FAM117B: variants seen among roughly 807,000 people sequenced by gnomAD.
The protein encoded by FAM117B is family with sequence similarity 117 member B.
A neutral mutation model predicts 52.8 loss-of-function variants in FAM117B; 22 were observed. That is an observed-to-expected ratio of 0.42 (90% CI 0.30 to 0.59). The LOEUF is 0.59. FAM117B is among the 20% of genes least tolerant of loss of function. The pLI is 0.22. For synonymous variants in FAM117B, 309 were observed against 324.1 expected (o/e 0.95, Z 0.50); for missense variants, 678 against 802.6 (o/e 0.84, Z 1.88).
At chr2:202,674,348 A>G (rs1225393413) in intron 1 of FAM117B, among the ~76,000 whole-genome samples, 1 of 152,242 alleles carries the variant, frequency 6.6e-6, no homozygotes, top group Non-Finnish European at 1.5e-5. Flanking sequence ...GGCTCCGTAC[A>G]TATATGTTTT....
rs112110886 is a variant in FAM117B, at chr2:202,726,003, T to C, written c.847-247T>C. 5.4e-4 allele frequency among the ~76,000 whole-genome samples: 82 copies of C among 152,310 alleles called. 1 individual carries two copies. Among genetic ancestry groups the C allele is most frequent in the Admixed American group, 1.4e-3 (21 of 15,302 alleles). On this transcript the variant is annotated intron_variant, in intron 3 of 7. Transcript: ENST00000392238. ...GTGAAAACTGTAATGTAATTTATTCTAAGTGCTGAAAACTATTTGTGTAGT... is the reference window on the plus strand; with the variant it reads ...GTGAAAACTGTAATGTAATTTATTCCAAGTGCTGAAAACTATTTGTGTAGT...
chr2:202,713,540 A>AT (rs1003481373), intron 2 of FAM117B, among the ~76,000 whole-genome samples: 15 of 150,928 alleles, frequency 9.9e-5, no homozygotes, highest in African/African-American at 3.4e-4. Flanking sequence ...GATCTCTATT[A>AT]TTTTTTCTGT....
At chr2:202,649,436 A>G (rs1689923025) in intron 1 of FAM117B, among the ~76,000 whole-genome samples, 1 of 152,252 alleles carries the variant, frequency 6.6e-6, no homozygotes, top group Admixed American at 6.5e-5. Context: ...AACCTTACAT[A>G]TAATTCTGTT....
chr2:202,704,255 T>C (rs1690840504), intron 2 of FAM117B, among the ~76,000 whole-genome samples: 1 of 152,220 alleles, frequency 6.6e-6, no homozygotes. Flanking sequence ...CTAGTAAGCA[T>C]TCAATAAATG....
intron 4 of FAM117B, among the ~76,000 whole-genome samples, chr2:202,752,872 A>C (rs1691747261): frequency 6.6e-6 from 1 of 152,206 alleles, no homozygotes; most frequent in Admixed American, 6.5e-5. Flanking sequence ...TTAATTTAAA[A>C]ATCTCTACAT....
chr2:202,688,867 A>G (rs1329012530), intron 1 of FAM117B, among the ~76,000 whole-genome samples: 1 of 152,186 alleles, frequency 6.6e-6, no homozygotes, highest in Non-Finnish European at 1.5e-5. Context: ...CTTTTCACGA[A>G]CAGATCTTAA....
intron 1 of FAM117B, among the ~76,000 whole-genome samples, chr2:202,655,328 A>T (rs1453306580): frequency 6.6e-6 from 1 of 152,106 alleles, no homozygotes; most frequent in South Asian, 2.1e-4. Context: ...AAGGTGCTAT[A>T]AACATTTGTA....
intron 2 of FAM117B, among the ~76,000 whole-genome samples, chr2:202,709,865 A>G: frequency 6.6e-6 from 1 of 152,124 alleles, no homozygotes; most frequent in East Asian, 1.9e-4. Context: ...GAGGATATTC[A>G]GTTTCCCCAG....
rs1430409209 is a variant in FAM117B, at chr2:202,767,885, A to G, written c.*2121A>G. ...ATCCAAAACTAATTTATTTGGAACT[A>G]GTACGTTATGGCTTCTCAGTCATGA... On this transcript the variant is annotated 3_prime_UTR_variant, in exon 8 of 8. Coordinates refer to ENST00000392238, the MANE Select transcript of FAM117B (RefSeq NM_173511.4). The G allele has an allele frequency of 6.6e-6, 1 of 152,228 alleles. No homozygotes were observed. Among genetic ancestry groups the G allele is most frequent in the Non-Finnish European group, 1.5e-5 (1 of 68,028 alleles). The allele number at this position is 152,228 out of a possible 1,614,324, so 9.4% of individuals were successfully genotyped here. A position where few individuals can be genotyped will look rare whatever the true frequency, so the allele number is the denominator to read the frequency against.
chr2:202,659,687 T>A (rs1057444831), intron 1 of FAM117B, among the ~76,000 whole-genome samples: 1 of 141,492 alleles, frequency 7.1e-6, no homozygotes, highest in Non-Finnish European at 1.5e-5. Flanking sequence ...CGATCTTGGC[T>A]CACTGCAACC....
chr2:202,725,253 A>G (rs1691223349), intron 3 of FAM117B: 1 of 299,318 alleles, frequency 3.3e-6, no homozygotes, highest in Non-Finnish European at 6.1e-6. Context: ...CTGTCTATTA[A>G]CATCAGATTT....
At chr2:202,646,917 G>A (rs190499462) in intron 1 of FAM117B, among the ~76,000 whole-genome samples, 64 of 152,022 alleles carry the variant, frequency 4.2e-4, no homozygotes, top group Admixed American at 1.0e-3. Flanking sequence ...GTGATCTAGG[G>A]TATGTACAAG....
intron 1 of FAM117B, among the ~76,000 whole-genome samples, chr2:202,661,673 T>C (rs1480698470): frequency 3.9e-5 from 6 of 152,168 alleles, no homozygotes; most frequent in Non-Finnish European, 8.8e-5. Context: ...CCTAGCTCTT[T>C]AGAAGGCTGA....
chr2:202,664,749 T>G (rs1029606756), intron 1 of FAM117B, among the ~76,000 whole-genome samples: 1 of 152,168 alleles, frequency 6.6e-6, no homozygotes, highest in Non-Finnish European at 1.5e-5. Flanking sequence ...GTGCCTCATT[T>G]GCCTTACCGT....
chr2:202,683,186 G>A lies in FAM117B; in HGVS notation c.602-12695G>A, dbSNP rs1672392523. On this transcript the variant is annotated intron_variant, in intron 1 of 7. Transcript: ENST00000392238. ...CTGCTAAAAACACAAAAATTAGCCGGGCGTGGTGGCATGTGCCTGTAATCC... is the reference window on the plus strand; with the variant it reads ...CTGCTAAAAACACAAAAATTAGCCGAGCGTGGTGGCATGTGCCTGTAATCC... Among the ~76,000 whole-genome samples, 3 of 152,224 alleles carry A rather than the reference G, an allele frequency of 2.0e-5. No individual in the cohort carries two copies. In the South Asian group the frequency reaches 6.2e-4, roughly 32 times the overall value.
At chr2:202,644,064 G>GTTTGT (rs1689816805) in intron 1 of FAM117B, among the ~76,000 whole-genome samples, 2 of 95,138 alleles carry the variant, frequency 2.1e-5, no homozygotes, top group African/African-American at 9.0e-5. Context: ...TTTTTTTTTT[G>GTTTGT]TTTTTTTTTT....
intron 2 of FAM117B, among the ~76,000 whole-genome samples, chr2:202,724,279 G>A (rs1361978264): frequency 6.6e-6 from 1 of 152,052 alleles, no homozygotes; most frequent in African/African-American, 2.4e-5. Flanking sequence ...TCCTGACCTC[G>A]TGGCCTGTCC....
chr2:202,720,183 T>C (rs1157172144), intron 2 of FAM117B, among the ~76,000 whole-genome samples: 1 of 152,192 alleles, frequency 6.6e-6, no homozygotes, highest in Non-Finnish European at 1.5e-5. Context: ...ACTTTGTAGC[T>C]CTGTCATTCT....
chr2:202,725,669 C>G (rs1283989667), intron 3 of FAM117B, among the ~76,000 whole-genome samples: 2 of 152,168 alleles, frequency 1.3e-5, no homozygotes, highest in African/African-American at 4.8e-5. Context: ...GCAGTACTCA[C>G]TATAACCATG....
Sources: allele counts gnomAD v4.1 joint callset (sites outside exome capture counted in the v4.1 genomes callset), GRCh38; gene constraint gnomAD v4.1.1; transcripts MANE v1.5; gene names NCBI Gene and HGNC (gene_info 2026-07-23, HGNC 2026-07-21).